Variants in ANXA13 observed in about 807,000 individuals in gnomAD.
The protein encoded by ANXA13 is annexin A13, also known as annexin XIII.
ANXA13 carries 36 observed loss-of-function variants against 46.6 expected under a neutral mutation model. That is an observed-to-expected ratio of 0.77 (90% CI 0.59 to 1.02). The LOEUF (loss-of-function observed/expected upper bound fraction) is 1.02. ANXA13 is among the 50% of genes least tolerant of loss of function. The pLI, the probability that ANXA13 is intolerant of heterozygous loss-of-function variation, is 0.00. For missense variants in ANXA13, 417 were observed against 396.5 expected (o/e 1.05, Z -0.44); for synonymous variants, 163 against 152.9 (o/e 1.07, Z -0.49).
chr8:123,698,816 T>C (rs1813392849), intron 3 of ANXA13, among the ~76,000 whole-genome samples: 2 of 152,210 alleles, frequency 1.3e-5, no homozygotes, highest in African/African-American at 4.8e-5. Context: ...AACAACAGTA[T>C]CTGTGGAACA....
At chr8:123,700,693 G>A (rs1488193842) in intron 3 of ANXA13, among the ~76,000 whole-genome samples, 7 of 152,024 alleles carry the variant, frequency 4.6e-5, no homozygotes, top group Non-Finnish European at 7.4e-5. Flanking sequence ...CATTGTATCC[G>A]ATTTTTCTTT....
chr8:123,737,272 C>T (rs780053045), intron 1 of ANXA13, 48 bp downstream of exon 1: 4 of 1,579,868 alleles, frequency 2.5e-6, no homozygotes, highest in Non-Finnish European at 3.5e-6. Flanking sequence ...AATTCTTCCA[C>T]ATGCTAACCA....
intron 6 of ANXA13, among the ~76,000 whole-genome samples, chr8:123,694,007 A>G (rs1295099780): frequency 1.3e-5 from 2 of 148,638 alleles, no homozygotes; most frequent in Non-Finnish European, 3.0e-5. Flanking sequence ...TTTTTTTTGT[A>G]GAAACCAGAG....
intron 8 of ANXA13, among the ~76,000 whole-genome samples, chr8:123,692,368 T>C (rs1813258543): frequency 6.6e-6 from 1 of 152,098 alleles, no homozygotes; most frequent in Non-Finnish European, 1.5e-5. Flanking sequence ...ACACAGAACA[T>C]AGAAGTGCTT....
At chr8:123,714,412 G>C (rs1054919551) in intron 1 of ANXA13, among the ~76,000 whole-genome samples, 1 of 152,186 alleles carries the variant, frequency 6.6e-6, no homozygotes, top group Non-Finnish European at 1.5e-5. Flanking sequence ...CAGTGAAAGT[G>C]CGTGAGTCTA....
chr8:123,684,783 AC>A lies in ANXA13; in HGVS notation c.719-62del, dbSNP rs951566943. 43 of 1,291,234 alleles carry A rather than the reference AC, an allele frequency of 3.3e-5. No individual in the cohort carries two copies. The African/African-American group carries it at 4.4e-4, about 13-fold the overall frequency. The allele number at this position is 1,291,234 out of a possible 1,614,324, so 80.0% of individuals were successfully genotyped here. Reference sequence around the variant, plus strand: ...TCACGTTTTGTGGAATGACCTTGGGACCCCCCTAAATGTCACCTGGCTGCCC... The same window carrying A: ...TCACGTTTTGTGGAATGACCTTGGGACCCCCTAAATGTCACCTGGCTGCCC... On this transcript the variant is annotated intron_variant, in intron 9 of 10. Coordinates refer to ENST00000419625, the MANE Select transcript of ANXA13 (RefSeq NM_004306.4).
intron 9 of ANXA13, among the ~76,000 whole-genome samples, chr8:123,686,573 G>T (rs1563604369): frequency 6.6e-6 from 1 of 152,178 alleles, no homozygotes; most frequent in Non-Finnish European, 1.5e-5. Context: ...TTCAGAGTGA[G>T]TTCCTGAACT....
chr8:123,722,394 G>A (rs1813900717), intron 1 of ANXA13, among the ~76,000 whole-genome samples: 1 of 139,642 alleles, frequency 7.2e-6, no homozygotes, highest in Admixed American at 7.0e-5. Flanking sequence ...AAGAAAGAAA[G>A]AAAAGCTCAG....
chr8:123,684,582 G>T (rs185618873), intron 10 of ANXA13, 28 bp downstream of exon 10: 10 of 1,483,696 alleles, frequency 6.7e-6, no homozygotes, highest in Non-Finnish European at 9.4e-6. Flanking sequence ...AGTTGCAGCC[G>T]CCTCTTTGGA....
chr8:123,708,791 G>A (rs1194102457), intron 2 of ANXA13, among the ~76,000 whole-genome samples: 3 of 152,100 alleles, frequency 2.0e-5, no homozygotes, highest in South Asian at 4.1e-4. Context: ...CAGCAGCCCC[G>A]GGGCAGTGTC....
chr8:123,719,152 A>G (rs189549547), intron 1 of ANXA13, among the ~76,000 whole-genome samples: 17 of 152,330 alleles, frequency 1.1e-4, no homozygotes, highest in Admixed American at 9.1e-4. Flanking sequence ...AGCCAGAAAT[A>G]CACTCACTTA....
chr8:123,721,487 T>A (rs2129921294), intron 1 of ANXA13, among the ~76,000 whole-genome samples: 1 of 152,324 alleles, frequency 6.6e-6, no homozygotes, highest in East Asian at 1.9e-4. Context: ...TGGCAGGATA[T>A]TCAACACGTG....
chr8:123,700,907 C>T (rs563830679), intron 3 of ANXA13, among the ~76,000 whole-genome samples: 1 of 152,044 alleles, frequency 6.6e-6, no homozygotes, highest in Non-Finnish European at 1.5e-5. Flanking sequence ...ACTGAGGCCT[C>T]AACTTCTTGG....
At chr8:123,683,970 A>T (rs1041399108) in intron 10 of ANXA13, among the ~76,000 whole-genome samples, 2 of 152,180 alleles carry the variant, frequency 1.3e-5, no homozygotes, top group Non-Finnish European at 2.9e-5. Flanking sequence ...TCCGAGAGCA[A>T]GCACAAATTG....
chr8:123,728,993 T>A (rs1393434852), intron 1 of ANXA13: 2 of 152,172 alleles, frequency 1.3e-5, no homozygotes, highest in African/African-American at 4.8e-5. Context: ...GTCCATCTAG[T>A]AGTATTAGTA....
At chr8:123,726,358 C>T (rs1299710675) in intron 1 of ANXA13, among the ~76,000 whole-genome samples, 1 of 152,228 alleles carries the variant, frequency 6.6e-6, no homozygotes, top group Admixed American at 6.5e-5. Context: ...GGAGACCTGA[C>T]TTGAAGGCCC....
At chr8:123,726,932 T>C (rs529075088) in intron 1 of ANXA13, among the ~76,000 whole-genome samples, 4 of 152,300 alleles carry the variant, frequency 2.6e-5, no homozygotes, top group Admixed American at 6.5e-5. Flanking sequence ...AGAATACTAT[T>C]CTAAGTGAAG....
chr8:123,727,622 G>C (rs571977676), intron 1 of ANXA13: 20 of 151,582 alleles, frequency 1.3e-4, no homozygotes, highest in Non-Finnish European at 2.6e-4. Flanking sequence ...GTAATGCACA[G>C]AACAGACAGC....
chr8:123,699,420 C>G (rs549709339), intron 3 of ANXA13, among the ~76,000 whole-genome samples: 4 of 152,294 alleles, frequency 2.6e-5, no homozygotes, highest in African/African-American at 9.6e-5. Flanking sequence ...TAGGCTCAAG[C>G]GATCCTCCAC....
Sources: gnomAD v4.1 joint callset for allele counts (sites outside exome capture counted in the v4.1 genomes callset) on GRCh38, gnomAD v4.1.1 for gene constraint, MANE v1.5 for transcripts, NCBI Gene and HGNC (gene_info 2026-07-23, HGNC 2026-07-21) for gene names.